COMMD10: variants seen among roughly 807,000 people sequenced by gnomAD.
COMMD10 encodes the protein COMM domain containing 10.
In COMMD10, 33 loss-of-function variants were observed where a neutral mutation model predicts 28.9. The observed-to-expected ratio is 1.14, with a 90% confidence interval of 0.87 to 1.53. The LOEUF (loss-of-function observed/expected upper bound fraction) is 1.53. Ranked by LOEUF, COMMD10 falls within the 40% of genes most tolerant of loss-of-function variation. The probability of loss-of-function intolerance (pLI) is 0.00; values close to 1 mark genes in which losing one functional copy is unlikely to be tolerated. For missense variants in COMMD10, 310 were observed against 233.4 expected (o/e 1.33, Z -2.14); for synonymous variants, 110 against 81.7 (o/e 1.35, Z -1.87).
chr5:116,085,046 G>A lies in COMMD10; in HGVS notation c.-7G>A, dbSNP rs748773522. 31 of 1,607,422 alleles carry A rather than the reference G, an allele frequency of 1.9e-5. No homozygotes were observed. The highest frequency in any genetic ancestry group is 1.5e-5 in the Non-Finnish European group (18 of 1,178,366). On this transcript the variant is annotated 5_prime_UTR_variant, in exon 1 of 7. Transcript: ENST00000274458. ...TAACAGACGGCGGCAGTGCGAGAAA[G>A]CCGAAGATGGCGGTCCCCGCGGCGC...
chr5:116,255,392 C>G (rs1454117830), intron 5 of COMMD10, among the ~76,000 whole-genome samples: 1 of 151,648 alleles, frequency 6.6e-6, no homozygotes, highest in Non-Finnish European at 1.5e-5. Flanking sequence ...TCTTCCTAGT[C>G]TTGATGGTCG....
At chr5:116,214,684 T>C (rs1186778293) in intron 5 of COMMD10, among the ~76,000 whole-genome samples, 1 of 152,134 alleles carries the variant, frequency 6.6e-6, no homozygotes, top group African/African-American at 2.4e-5. Flanking sequence ...TCATTAGTAT[T>C]ATCATTTTTT....
chr5:116,218,066 GT>G, intron 5 of COMMD10: 1 of 1,214,688 alleles, frequency 8.2e-7, no homozygotes, highest in Admixed American at 1.7e-5. Flanking sequence ...TGCCTGATCT[GT>G]TTTGACATCT....
intron 4 of COMMD10, among the ~76,000 whole-genome samples, chr5:116,106,260 G>A (rs542703283): frequency 1.5e-4 from 23 of 151,894 alleles, no homozygotes; most frequent in Non-Finnish European, 3.1e-4. Context: ...GTCATTCAGC[G>A]GCAGGTTGTT....
intron 5 of COMMD10, among the ~76,000 whole-genome samples, chr5:116,185,973 A>C (rs192530538): frequency 6.6e-6 from 1 of 152,118 alleles, no homozygotes; most frequent in African/African-American, 2.4e-5. Context: ...GCCATCAAGC[A>C]TTTTTGGAGA....
intron 5 of COMMD10, among the ~76,000 whole-genome samples, chr5:116,234,280 A>AC (rs1177894656): frequency 6.6e-6 from 1 of 152,176 alleles, no homozygotes; most frequent in Non-Finnish European, 1.5e-5. Context: ...GCCATTGGAC[A>AC]CCTATGTCAA....
intron 4 of COMMD10, among the ~76,000 whole-genome samples, chr5:116,107,128 C>T (rs1184186937): frequency 6.6e-6 from 1 of 151,908 alleles, no homozygotes; most frequent in East Asian, 1.9e-4. Context: ...TTTATTTCCA[C>T]CTTGGTGAAT....
intron 6 of COMMD10, among the ~76,000 whole-genome samples, chr5:116,292,039 C>A (rs1751377687): frequency 6.6e-6 from 1 of 151,758 alleles, no homozygotes; most frequent in South Asian, 2.1e-4. Context: ...GTAGGCAGTT[C>A]TTCTGCCAGT....
At chr5:116,245,447 C>T (rs991085417) in intron 5 of COMMD10, among the ~76,000 whole-genome samples, 2 of 151,956 alleles carry the variant, frequency 1.3e-5, no homozygotes, top group Non-Finnish European at 2.9e-5. Flanking sequence ...TCTACTGAAA[C>T]TATTTCAAAA....
intron 5 of COMMD10, among the ~76,000 whole-genome samples, chr5:116,241,518 G>A (rs1251981261): frequency 6.6e-6 from 1 of 151,920 alleles, no homozygotes; most frequent in East Asian, 1.9e-4. Flanking sequence ...ATTTAGAGAA[G>A]AATAAAATAC....
intron 5 of COMMD10, among the ~76,000 whole-genome samples, chr5:116,224,667 C>A (rs1749347208): frequency 6.6e-6 from 1 of 152,142 alleles, no homozygotes; most frequent in African/African-American, 2.4e-5. Flanking sequence ...AGGGATCTTC[C>A]CCCAAGCCCC....
At chr5:116,243,026 T>C (rs772864467) in intron 5 of COMMD10, among the ~76,000 whole-genome samples, 3 of 152,190 alleles carry the variant, frequency 2.0e-5, no homozygotes, top group Non-Finnish European at 4.4e-5. Context: ...TTTGATCCTG[T>C]TTTTCTTTAT....
At chr5:116,151,781 A>G (rs891713683) in intron 5 of COMMD10, among the ~76,000 whole-genome samples, 5 of 151,834 alleles carry the variant, frequency 3.3e-5, no homozygotes, top group Admixed American at 1.3e-4. Context: ...TGGTCTATCA[A>G]TTTTGTTGAT....
At chr5:116,245,859 C>T (rs1749938739) in intron 5 of COMMD10, among the ~76,000 whole-genome samples, 1 of 152,096 alleles carries the variant, frequency 6.6e-6, no homozygotes, top group Admixed American at 6.6e-5. Flanking sequence ...TCTTCTATGA[C>T]AAACCCACAG....
intron 5 of COMMD10, among the ~76,000 whole-genome samples, chr5:116,195,815 C>T (rs1381070740): frequency 4.0e-5 from 6 of 151,892 alleles, no homozygotes; most frequent in Admixed American, 3.9e-4. Context: ...AACAAATGGC[C>T]AACAAACATA....
At chr5:116,136,697 C>T (rs777770501) in intron 5 of COMMD10, among the ~76,000 whole-genome samples, 1 of 152,244 alleles carries the variant, frequency 6.6e-6, no homozygotes, top group East Asian at 1.9e-4. Flanking sequence ...AAATCTAACT[C>T]ATTTGAAATA....
intron 5 of COMMD10, among the ~76,000 whole-genome samples, chr5:116,195,969 C>T (rs1178927855): frequency 2.6e-5 from 4 of 152,068 alleles, no homozygotes; most frequent in African/African-American, 7.2e-5. Flanking sequence ...TCAGGAAACA[C>T]GTCTACACTG....
chr5:116,160,320 T>G (rs1752874913), intron 5 of COMMD10, among the ~76,000 whole-genome samples: 2 of 152,242 alleles, frequency 1.3e-5, no homozygotes, highest in African/African-American at 4.8e-5. Context: ...AAAATTTAGC[T>G]CAAATTCATT....
intron 5 of COMMD10, among the ~76,000 whole-genome samples, chr5:116,274,818 T>A (rs1022170614): frequency 1.3e-5 from 2 of 151,748 alleles, no homozygotes; most frequent in Non-Finnish European, 2.9e-5. Context: ...TTATTATTGA[T>A]CTTCTTGACA....
Sources: allele counts gnomAD v4.1 joint callset (sites outside exome capture counted in the v4.1 genomes callset), GRCh38; gene constraint gnomAD v4.1.1; transcripts MANE v1.5; gene names NCBI Gene and HGNC (gene_info 2026-07-23, HGNC 2026-07-21).